NUMA1: variants seen among roughly 807,000 people sequenced by gnomAD.
NUMA1 encodes the protein nuclear mitotic apparatus protein 1.
In NUMA1, 62 loss-of-function variants were observed where a neutral mutation model predicts 237.1. The ratio of observed to expected loss-of-function variants is 0.26; its 90% CI spans 0.21 to 0.32. The LOEUF (loss-of-function observed/expected upper bound fraction) is 0.32, where lower values mean the gene tolerates loss of function less well. Ranked by LOEUF, NUMA1 falls within the 10% of genes least tolerant of loss-of-function variation. The probability of loss-of-function intolerance (pLI) is 1.00; values close to 1 mark genes in which losing one functional copy is unlikely to be tolerated. For synonymous variants in NUMA1, 1,028 were observed against 1,066.1 expected, an observed-to-expected ratio of 0.96 and a Z score of 0.70; for missense variants, 2,533 against 2,666.5, an observed-to-expected ratio of 0.95 and a Z score of 1.10.
chr11:72,017,113 G>C (rs2135114358), intron 13 of NUMA1: 1 of 163,284 alleles, frequency 6.1e-6, no homozygotes, highest in Admixed American at 5.8e-5. Context: ...CTCCCGAGTA[G>C]CTGGGACTAC....
At position 72,062,901 on chromosome 11, in the gene NUMA1, G is replaced by A. The variant is rs75539244; in HGVS notation, c.-33+6941C>T. Among the ~76,000 whole-genome samples, 664 of 151,240 alleles carry A rather than the reference G, an allele frequency of 4.4e-3. 11 individuals are homozygous for A. The highest frequency in any genetic ancestry group is 0.014 in the African/African-American group (594 of 41,214). On this transcript the variant is annotated intron_variant, in intron 2 of 26. Transcript: ENST00000393695. ...CAGCCTGACCAACATGGAGAAACCC[G>A]TCTTAAAAAAATACAAAATTAGCTG... is the stretch of plus-strand genomic sequence containing the variant.
At chr11:72,059,039 A>G (rs1340999740) in intron 2 of NUMA1, among the ~76,000 whole-genome samples, 1 of 152,136 alleles carries the variant, frequency 6.6e-6, no homozygotes, top group African/African-American at 2.4e-5. Context: ...TTAAGCCTCA[A>G]CCCACATTTG....
intron 16 of NUMA1, 137 bp downstream of exon 16, chr11:72,012,264 G>A: frequency 1.2e-6 from 1 of 813,022 alleles, no homozygotes; most frequent in Non-Finnish European, 2.0e-6. Flanking sequence ...CCTGGGCCTG[G>A]ATTCCATGGC....
At chr11:72,018,109 A>G in intron 12 of NUMA1, 74 bp downstream of exon 12, 1 of 1,126,002 alleles carries the variant, frequency 8.9e-7, no homozygotes. Flanking sequence ...ATTCTTCTCA[A>G]CCCTCTCTTG....
intron 10 of NUMA1, 49 bp from the exon 11 acceptor site, chr11:72,018,562 G>T: frequency 6.7e-7 from 1 of 1,496,312 alleles, no homozygotes; most frequent in Non-Finnish European, 9.3e-7. Context: ...CTATGTGCAT[G>T]AGCGGAACTA....
Position 72,013,281 on chromosome 11 carries a change from C to T in NUMA1, c.4222G>A (p.Glu1408Lys). The T allele has an allele frequency of 6.2e-7, 1 of 1,604,342 alleles. No individual in the cohort carries two copies. Among genetic ancestry groups the T allele is most frequent in the East Asian group, 2.2e-5 (1 of 44,866 alleles). Residue 1408 changes from glutamate (E) to lysine (K), a missense_variant, in exon 15 of 27, where the codon GAG becomes AAG. Glu to Lys is a moderately conservative substitution (Grantham distance 56). Transcript: ENST00000393695. This position sits in a 1 kb window ranked among gnomAD's most constrained non-coding sequence, Gnocchi z 6.8. Reference sequence around the variant, plus strand: ...ACCTTCTGCCGCAGAGGAATCAGCTCCCCAAGCTCCCGCTGGGCCCGCAGC... The same window carrying T: ...ACCTTCTGCCGCAGAGGAATCAGCTTCCCAAGCTCCCGCTGGGCCCGCAGC... ...ELLRAQRELG[E>K]LIPLRQKVAE...
intron 3 of NUMA1, among the ~76,000 whole-genome samples, chr11:72,032,292 G>A (rs1209864861): frequency 6.6e-6 from 1 of 151,968 alleles, no homozygotes; most frequent in Non-Finnish European, 1.5e-5. Flanking sequence ...ACTGTCTTTT[G>A]AAAAAAGCTC....
chr11:72,080,469 C>T lies in NUMA1; in HGVS notation c.-114G>A, dbSNP rs1944080451. 1 of 152,180 alleles carries T rather than the reference C, an allele frequency of 6.6e-6. No individual in the cohort carries two copies. The highest frequency in any genetic ancestry group is 2.1e-4 in the South Asian group (1 of 4,828). The allele number at this position is 152,180 out of a possible 1,614,324, so 9.4% of individuals were successfully genotyped here. A position where few individuals can be genotyped will look rare whatever the true frequency, so the allele number is the denominator to read the frequency against. ...CCCGCGCCGGTTACCTGGCTGCGCG[C>T]TCCCGCTCTGCCTCGCGATTCTCCG... is the stretch of plus-strand genomic sequence containing the variant. On this transcript the variant is annotated 5_prime_UTR_variant, in exon 1 of 27. Transcript: ENST00000393695.
rs765305813 is a variant in NUMA1, at chr11:72,013,207, G to C, written c.4296C>G (p.Ser1432Arg). The C allele has an allele frequency of 6.2e-7, 1 of 1,610,924 alleles. No homozygotes were observed. Among genetic ancestry groups the C allele is most frequent in the Non-Finnish European group, 8.5e-7 (1 of 1,180,014 alleles). The change falls in exon 15 of 27, where the codon AGC becomes AGG. Residue 1432 changes from serine to arginine, a missense_variant. This residue lies in a region of NUMA1 where 324 missense variants were observed against 407.6 expected (regional missense o/e 0.79). Coordinates refer to ENST00000393695, the MANE Select transcript of NUMA1 (RefSeq NM_006185.4). This position sits in a 1 kb window ranked among gnomAD's most constrained non-coding sequence, Gnocchi z 6.8. ...TAQQLRAEKA[S>R]YAEQLSMLKK... The stretch of plus-strand genomic sequence containing the variant: ...TCAGCATGCTCAGCTGCTCTGCATA[G>C]CTGGCCTTCTCTGCCCGCAGCTGCT...
Position 72,023,131 on chromosome 11 carries a change from G to A in NUMA1, c.225C>T (p.Pro75=). 6.2e-7 allele frequency: 1 copy of A among 1,613,630 alleles called. No homozygotes were observed. Among genetic ancestry groups the A allele is most frequent in the South Asian group, 1.1e-5 (1 of 91,074 alleles). ...CAGATACCAGGCATTCTGGGGAAGA[G>A]GGATGTTTTCGATTTTCTGCAATGA... ...CSFLQKNRKH[P]SSPECLVSAQ... The change falls in exon 6 of 27, where the codon CCC becomes CCT. Residue 75 remains proline (P), a synonymous_variant. Transcript: ENST00000393695.
In NUMA1 at chr11:72,003,435, C is replaced by G. The variant is rs1955398126; in HGVS notation, c.*92G>C. ...GGTTTGGCTACTGTTGGCCTGGGAGCTGAGAGAAGGCACTGAGAGGGACAG... is the reference window on the plus strand; with the variant it reads ...GGTTTGGCTACTGTTGGCCTGGGAGGTGAGAGAAGGCACTGAGAGGGACAG... On this transcript the variant is annotated 3_prime_UTR_variant, in exon 27 of 27. Coordinates refer to ENST00000393695, the MANE Select transcript of NUMA1 (RefSeq NM_006185.4). 3 of 1,279,614 alleles carry G rather than the reference C, an allele frequency of 2.3e-6. No homozygotes were observed. The highest frequency in any genetic ancestry group is 3.4e-6 in the Non-Finnish European group (3 of 874,704). 79.3% of individuals were successfully genotyped at this position (1,279,614 alleles called of 1,614,324 possible).
chr11:72,049,137 CAG>C (rs1027133408), intron 2 of NUMA1, among the ~76,000 whole-genome samples: 1 of 152,164 alleles, frequency 6.6e-6, no homozygotes, highest in Non-Finnish European at 1.5e-5. Context: ...TTCACTGTCA[CAG>C]AGGAGTAAAA....
At chr11:72,054,451 A>G (rs554681965) in intron 2 of NUMA1, among the ~76,000 whole-genome samples, 61 of 152,052 alleles carry the variant, frequency 4.0e-4, no homozygotes, top group Non-Finnish European at 7.1e-4. Flanking sequence ...CTGGGAAACA[A>G]GAGCAAAACT....
chr11:72,041,271 G>C (rs1286560220), intron 2 of NUMA1: 7 of 152,332 alleles, frequency 4.6e-5, no homozygotes, highest in Admixed American at 4.6e-4. Flanking sequence ...GGCTGCAAAG[G>C]GGAAGGCTGG....
chr11:72,057,799 G>A (rs565835195), intron 2 of NUMA1, among the ~76,000 whole-genome samples: 3 of 151,730 alleles, frequency 2.0e-5, no homozygotes, highest in African/African-American at 7.3e-5. Context: ...GCTGGGTGCG[G>A]TGGCTCACGC....
Position 72,008,725 on chromosome 11 carries a change from G to T in NUMA1, c.5179C>A (p.Leu1727Met). 6.2e-7 allele frequency: 1 copy of T among 1,614,074 alleles called. No individual in the cohort carries two copies. ...QLDLSIDSLD[L>M]SCEEGTPLSI... ...AGTGGGGTCCCCTCCTCGCAGCTCAGATCCAGGCTGTCAATACTCAAGTCC... is the reference window on the plus strand; with the variant it reads ...AGTGGGGTCCCCTCCTCGCAGCTCATATCCAGGCTGTCAATACTCAAGTCC... The change falls in exon 20 of 27, where the codon CTG becomes ATG. Residue 1727 changes from leucine to methionine, a missense_variant. Around this residue, in one of 3 missense-constraint regions of NUMA1, gnomAD observed 795 missense variants for 750.8 expected, o/e 1.06. Coordinates refer to ENST00000393695, the MANE Select transcript of NUMA1 (RefSeq NM_006185.4).
At chr11:72,021,137 C>A (rs922238723) in intron 8 of NUMA1, 67 bp downstream of exon 8, 1 of 1,303,692 alleles carries the variant, frequency 7.7e-7, no homozygotes, top group African/African-American at 1.5e-5. Context: ...CCATACTTGA[C>A]AACTCAGGAT....
intron 9 of NUMA1, 38 bp from the exon 10 acceptor site, chr11:72,019,018 C>T (rs1214052118): frequency 6.2e-7 from 1 of 1,608,674 alleles, no homozygotes; most frequent in Non-Finnish European, 8.5e-7. Flanking sequence ...TGGTAAGCGC[C>T]TAAGATCTGA....
chr11:72,066,773 T>TCTAA (rs1295734854), intron 2 of NUMA1: 3 of 152,244 alleles, frequency 2.0e-5, no homozygotes, highest in Admixed American at 2.0e-4. Flanking sequence ...AATACTTGTT[T>TCTAA]CATTTTACTA....
Sources: gnomAD v4.1 joint callset for allele counts (sites outside exome capture counted in the v4.1 genomes callset) on GRCh38, gnomAD v4.1.1 for gene constraint, gnomAD v4.1.1 regional missense constraint, Gnocchi (gnomAD v3.1) non-coding constraint, MANE v1.5 for transcripts, NCBI Gene and HGNC (gene_info 2026-07-23, HGNC 2026-07-21) for gene names.